Variants in PLXNA2 observed in about 807,000 individuals in gnomAD.
PLXNA2 encodes plexin-A2.
A neutral mutation model predicts 193.5 loss-of-function variants in PLXNA2; 91 were observed. That is an observed-to-expected ratio of 0.47 (90% CI 0.40 to 0.56). The LOEUF (loss-of-function observed/expected upper bound fraction) is 0.56, where lower values mean the gene tolerates loss of function less well. Ranked by LOEUF, PLXNA2 falls within the 20% of genes least tolerant of loss-of-function variation. The probability of loss-of-function intolerance (pLI) is 0.00; values close to 1 mark genes in which losing one functional copy is unlikely to be tolerated. For missense variants in PLXNA2, 1,995 were observed against 2,503.2 expected (o/e 0.80, Z 4.33); for synonymous variants, 997 against 1,027.3 (o/e 0.97, Z 0.56).
At chr1:208,199,787 T>A (rs1218312824) in intron 3 of PLXNA2, among the ~76,000 whole-genome samples, 3 of 152,012 alleles carry the variant, frequency 2.0e-5, no homozygotes, top group Non-Finnish European at 4.4e-5. Flanking sequence ...CCTCCGTGGG[T>A]AAGAACCTGG....
intron 4 of PLXNA2, among the ~76,000 whole-genome samples, chr1:208,118,752 C>CT (rs201391277): frequency 1.2e-3 from 179 of 148,340 alleles, no homozygotes; most frequent in Middle Eastern, 6.9e-3. Context: ...CATTTTTTTT[C>CT]TTTTTTTTTT....
chr1:208,159,638 T>G (rs1284944939), intron 3 of PLXNA2, among the ~76,000 whole-genome samples: 1 of 152,238 alleles, frequency 6.6e-6, no homozygotes, highest in East Asian at 1.9e-4. Context: ...GAAAGTCTGG[T>G]GCTACCGTGA....
chr1:208,098,698 G>T, intron 6 of PLXNA2, 148 bp downstream of exon 6: 1 of 833,452 alleles, frequency 1.2e-6, no homozygotes, highest in Non-Finnish European at 1.9e-6. Context: ...AATAGGCATT[G>T]CCATACGTTT....
At chr1:208,161,789 C>G (rs1669113803) in intron 3 of PLXNA2, among the ~76,000 whole-genome samples, 1 of 152,248 alleles carries the variant, frequency 6.6e-6, no homozygotes, top group Non-Finnish European at 1.5e-5. Context: ...CCTCTCTCCC[C>G]TGCCCTCCCT....
intron 4 of PLXNA2, among the ~76,000 whole-genome samples, chr1:208,124,817 C>T (rs187418770): frequency 6.6e-6 from 1 of 151,494 alleles, no homozygotes; most frequent in East Asian, 2.0e-4. Context: ...ATTGATTTAG[C>T]TTGAATTATA....
intron 4 of PLXNA2, among the ~76,000 whole-genome samples, chr1:208,117,941 G>GA (rs1330250436): frequency 6.6e-6 from 1 of 152,168 alleles, no homozygotes; most frequent in Non-Finnish European, 1.5e-5. Flanking sequence ...CTGGAGTGAC[G>GA]AAAGGCCTTT....
intron 3 of PLXNA2, among the ~76,000 whole-genome samples, chr1:208,197,209 G>C (rs1398091375): frequency 6.6e-6 from 1 of 152,214 alleles, no homozygotes; most frequent in African/African-American, 2.4e-5. Flanking sequence ...ATTATTTTCA[G>C]TCTGAAGATC....
chr1:208,227,097 G>C (rs967543793), intron 1 of PLXNA2, among the ~76,000 whole-genome samples: 4 of 152,164 alleles, frequency 2.6e-5, no homozygotes, highest in East Asian at 3.9e-4. Flanking sequence ...GAATTCTCAG[G>C]CTCCTTCCAA....
rs368463339 is a variant in PLXNA2, at chr1:208,082,367, G to A, written c.2395+45C>T. ...GATCCCTCTAGCCCCAGTCTTTCCCGGGGTCGTGAAAAGATCAAACTTCTA... is the reference window on the plus strand; with the variant it reads ...GATCCCTCTAGCCCCAGTCTTTCCCAGGGTCGTGAAAAGATCAAACTTCTA... On this transcript the variant is annotated intron_variant, in intron 11 of 31. Transcript: ENST00000367033. The surrounding 1 kb of genome is among the most constrained non-coding windows in gnomAD (Gnocchi z 4.2). 6.3e-5 allele frequency: 94 copies of A among 1,482,574 alleles called. No individual in the cohort carries two copies. The South Asian group carries it at 7.1e-4, about 11-fold the overall frequency. 91.8% of individuals were successfully genotyped at this position (1,482,574 alleles called of 1,614,324 possible). A position where few individuals can be genotyped will look rare whatever the true frequency, so the allele number is the denominator to read the frequency against.
chr1:208,186,708 A>ATTTTT (rs368056918), intron 3 of PLXNA2, among the ~76,000 whole-genome samples: 26 of 111,682 alleles, frequency 2.3e-4, no homozygotes, highest in African/African-American at 7.5e-4. Flanking sequence ...TTGCAATGTT[A>ATTTTT]TTTTATTTTT....
intron 1 of PLXNA2, among the ~76,000 whole-genome samples, chr1:208,239,263 C>T (rs1236704148): frequency 1.3e-5 from 2 of 152,130 alleles, no homozygotes; most frequent in East Asian, 3.9e-4. Flanking sequence ...CAGCCCAGAG[C>T]CTCCCTGGCC....
rs1664970144 is a variant in PLXNA2 at position 208,044,080 on chromosome 1, G to A, written c.3874+428C>T. The stretch of plus-strand genomic sequence containing the variant: ...ATGGAAAACAAACCCTGGGGGAGAT[G>A]AGGCAGGTGCTTGTCTGCCTTTGCT... On this transcript the variant is annotated intron_variant, in intron 20 of 31. Transcript: ENST00000367033. This position sits in a 1 kb window ranked among gnomAD's most constrained non-coding sequence, Gnocchi z 4.9. Among the ~76,000 whole-genome samples the A allele has an allele frequency of 6.6e-6, 1 of 152,222 alleles. No individual in the cohort carries two copies. The highest frequency in any genetic ancestry group is 6.5e-5 in the Admixed American group (1 of 15,286).
rs576614449 is a variant in PLXNA2 at position 208,200,271 on chromosome 1, G to A, written c.1371+10009C>T. 3.9e-5 allele frequency among the ~76,000 whole-genome samples: 6 copies of A among 152,304 alleles called. No individual in the cohort carries two copies. The East Asian group carries it at 1.2e-3, about 29-fold the overall frequency. ...TAGAACCACAGGAAGAGACTCAGAAGGCCAGAGCTCCAGATTCATTTTCAC... is the reference window on the plus strand; with the variant it reads ...TAGAACCACAGGAAGAGACTCAGAAAGCCAGAGCTCCAGATTCATTTTCAC... On this transcript the variant is annotated intron_variant, in intron 3 of 31. Transcript: ENST00000367033.
intron 3 of PLXNA2, among the ~76,000 whole-genome samples, chr1:208,165,223 C>T (rs760008816): frequency 3.9e-5 from 6 of 152,174 alleles, no homozygotes; most frequent in Non-Finnish European, 8.8e-5. Flanking sequence ...CACCCAAGCC[C>T]TCATTCATCT....
At position 208,243,777 on chromosome 1, in the gene PLXNA2, G is replaced by A. The variant is rs935011450; in HGVS notation, c.-215C>T. On this transcript the variant is annotated 5_prime_UTR_variant, in exon 1 of 32. Transcript: ENST00000367033. Reference sequence around the variant, plus strand: ...AGGGAGACGACCAAATCCACATGGAGTCCAAATTCATTAAAATCCACGTCA... The same window carrying A: ...AGGGAGACGACCAAATCCACATGGAATCCAAATTCATTAAAATCCACGTCA... 6.6e-6 allele frequency: 1 copy of A among 152,240 alleles called. No homozygotes were observed. The highest frequency in any genetic ancestry group is 1.5e-5 in the Non-Finnish European group (1 of 68,058). 9.4% of individuals were successfully genotyped at this position (152,240 alleles called of 1,614,324 possible).
At chr1:208,094,373 G>A (rs186336448) in intron 8 of PLXNA2, among the ~76,000 whole-genome samples, 4 of 152,196 alleles carry the variant, frequency 2.6e-5, no homozygotes, top group Admixed American at 2.6e-4. Context: ...AATTCCAGTA[G>A]AGAAGGGCAA....
In PLXNA2 at chr1:208,043,198, C is replaced by A. The variant is rs1256800849; in HGVS notation, c.3880G>T (p.Ala1294Ser). The A allele has an allele frequency of 6.2e-7, 1 of 1,613,648 alleles. No homozygotes were observed. Among genetic ancestry groups the A allele is most frequent in the Non-Finnish European group, 8.5e-7 (1 of 1,179,800 alleles). ...TCATTGATATCCGTCTGGAGCTCAG[C>A]AAAAGCTATGAGAATAAGCAGACGG... ...RVALECKEAF[A>S]ELQTDINELT... is the part of the protein sequence containing the mutation. Residue 1294 changes from alanine to serine, a missense_variant, in exon 21 of 32, where the codon GCT becomes TCT. Ala to Ser is a moderately conservative substitution (Grantham distance 99, BLOSUM62 1). Transcript: ENST00000367033.
At position 208,051,471 on chromosome 1, in the gene PLXNA2, A is replaced by G. The variant is rs757921933; in HGVS notation, c.2994-48T>C. 2.5e-5 allele frequency: 38 copies of G among 1,527,088 alleles called. No individual in the cohort carries two copies. In the South Asian group the frequency reaches 4.3e-4, roughly 17 times the overall value. The allele number at this position is 1,527,088 out of a possible 1,614,324, so 94.6% of individuals were successfully genotyped here. Reference sequence around the variant, plus strand: ...GTTGAGAAGAAAGGCATGGGCAACAAGAGGTGCCCACTGGCTTGACAAGGG... The same window carrying G: ...GTTGAGAAGAAAGGCATGGGCAACAGGAGGTGCCCACTGGCTTGACAAGGG... On this transcript the variant is annotated intron_variant, in intron 15 of 31. Coordinates refer to ENST00000367033, the MANE Select transcript of PLXNA2 (RefSeq NM_025179.4).
chr1:208,031,686 G>C lies in PLXNA2; in HGVS notation c.5129C>G (p.Pro1710Arg), dbSNP rs201886384. Residue 1710 changes from proline to arginine, a missense_variant, in exon 29 of 32, where the codon CCC (proline) becomes CGC (arginine). Pro to Arg is a moderately radical substitution (Grantham distance 103). Transcript: ENST00000367033. ...FSTVHRGSAL[P>R]LAIKYMFDFL... ...ATCAAACATGTACTTGATGGCCAGG[G>C]GGAGAGCGCTGCCCCGGTGCACAGT... 1 of 1,613,788 alleles carries C rather than the reference G, an allele frequency of 6.2e-7. No homozygotes were observed. The highest frequency in any genetic ancestry group is 1.3e-5 in the African/African-American group (1 of 74,890).
Sources: gnomAD v4.1 joint callset for allele counts (sites outside exome capture counted in the v4.1 genomes callset) on GRCh38, gnomAD v4.1.1 for gene constraint, Gnocchi (gnomAD v3.1) non-coding constraint, MANE v1.5 for transcripts, NCBI Gene and HGNC (gene_info 2026-07-23, HGNC 2026-07-21) for gene names.